The following OR2L13 variants were observed in gnomAD, a reference collection of about 807,000 sequenced individuals.
OR2L13 encodes olfactory receptor family 2 subfamily L member 13, also known as olfactory receptor 2L13.
In OR2L13, 14 loss-of-function variants were observed where a neutral mutation model predicts 15.3. That is an observed-to-expected ratio of 0.91 (90% CI 0.60 to 1.43). OR2L13 has a LOEUF of 1.43. Among genes scored for constraint, OR2L13 ranks in the 40% most tolerant of loss-of-function variants. The probability of loss-of-function intolerance (pLI) is 0.00; values close to 1 mark genes in which losing one functional copy is unlikely to be tolerated. For missense variants in OR2L13, 367 were observed against 387.9 expected, an observed-to-expected ratio of 0.95 and a Z score of 0.45; for synonymous variants, 152 against 142.9, an observed-to-expected ratio of 1.06 and a Z score of -0.45.
At chr1:248,078,698 T>A in the OR2L13 span, among the ~76,000 whole-genome samples, 6,212 of 152,096 alleles carry the variant, frequency 0.041, 419 homozygotes, top group African/African-American at 0.14. Flanking sequence ...TCACTTGTAA[T>A]AGCAAAATCT....
the OR2L13 span, among the ~76,000 whole-genome samples, chr1:248,068,258 A>G: frequency 6.6e-6 from 1 of 152,100 alleles, no homozygotes; most frequent in African/African-American, 2.4e-5. Flanking sequence ...CAGTAGGGGC[A>G]GACTGACACC....
At chr1:247,960,758 C>T in the OR2L13 span, among the ~76,000 whole-genome samples, 12 of 152,052 alleles carry the variant, frequency 7.9e-5, no homozygotes, top group African/African-American at 2.2e-4. Context: ...GGATTAATCT[C>T]CTGGTGTGCC....
chr1:248,085,249 A>G, the OR2L13 span, among the ~76,000 whole-genome samples: 1 of 151,776 alleles, frequency 6.6e-6, no homozygotes, highest in Non-Finnish European at 1.5e-5. Context: ...GACTCATTTT[A>G]TTAATGCAGA....
chr1:247,993,807 G>GAGAGAGAGAGGA, the OR2L13 span, among the ~76,000 whole-genome samples: 1 of 129,020 alleles, frequency 7.8e-6, no homozygotes, highest in Non-Finnish European at 1.6e-5. Context: ...GAGAGAGAGA[G>GAGAGAGAGAGGA]AGAGAAAGAA....
At chr1:248,061,632 A>G in the OR2L13 span, 39 of 1,603,996 alleles carry the variant, frequency 2.4e-5, no homozygotes, top group Admixed American at 3.2e-4. Flanking sequence ...AACATTTTCT[A>G]CCTAAGGTCT....
the OR2L13 span, among the ~76,000 whole-genome samples, chr1:247,953,625 T>G: frequency 6.6e-6 from 1 of 152,158 alleles, no homozygotes; most frequent in Non-Finnish European, 1.5e-5. Flanking sequence ...TATTTATTAG[T>G]TTGAGCTGAA....
chr1:247,982,005 C>T, the OR2L13 span, among the ~76,000 whole-genome samples: 6 of 151,962 alleles, frequency 3.9e-5, no homozygotes, highest in Non-Finnish European at 7.4e-5. Flanking sequence ...TTAGTAGAGA[C>T]GGGGTTTCAC....
At chr1:248,045,537 G>A in the OR2L13 span, among the ~76,000 whole-genome samples, 2 of 152,084 alleles carry the variant, frequency 1.3e-5, no homozygotes, top group African/African-American at 2.4e-5. Flanking sequence ...CTCTTTCAGC[G>A]CAAATAGGTT....
At chr1:247,961,586 G>A in the OR2L13 span, among the ~76,000 whole-genome samples, 2 of 152,118 alleles carry the variant, frequency 1.3e-5, no homozygotes. Context: ...AATATACAAG[G>A]AAATATCTCC....
At chr1:247,943,747 G>A in the OR2L13 span, among the ~76,000 whole-genome samples, 8 of 152,164 alleles carry the variant, frequency 5.3e-5, no homozygotes, top group African/African-American at 1.7e-4. Context: ...TAAGTGAGAA[G>A]CATCTGTATC....
chr1:247,982,078 G>C, the OR2L13 span, among the ~76,000 whole-genome samples: 1 of 152,182 alleles, frequency 6.6e-6, no homozygotes, highest in Non-Finnish European at 1.5e-5. Context: ...GCCTCCCAAA[G>C]TGCTGGGATT....
At chr1:248,076,514 T>C in the OR2L13 span, among the ~76,000 whole-genome samples, 2 of 152,340 alleles carry the variant, frequency 1.3e-5, no homozygotes, top group South Asian at 4.1e-4. Context: ...TGTCCTCTTT[T>C]ATTTCATTGA....
At chr1:247,962,171 G>A in the OR2L13 span, among the ~76,000 whole-genome samples, 3 of 152,200 alleles carry the variant, frequency 2.0e-5, no homozygotes, top group Admixed American at 6.5e-5. Flanking sequence ...TTTACCAGAA[G>A]TAGTGGGTTA....
exon 3 of OR2L13, chr1:248,099,915 C>G: frequency 6.2e-7 from 1 of 1,614,168 alleles, no homozygotes; most frequent in Non-Finnish European, 8.5e-7. Context: ...TCTGCGATGT[C>G]CCAGCCATGT....
At chr1:247,995,106 C>CTTTTAT in the OR2L13 span, among the ~76,000 whole-genome samples, 3 of 152,256 alleles carry the variant, frequency 2.0e-5, no homozygotes, top group East Asian at 3.9e-4. Flanking sequence ...GACATTAGGT[C>CTTTTAT]CAATAGCTTT....
At chr1:248,072,318 A>G in the OR2L13 span, among the ~76,000 whole-genome samples, 6 of 152,340 alleles carry the variant, frequency 3.9e-5, no homozygotes, top group Admixed American at 1.3e-4. Context: ...CTCAGAAATA[A>G]CGCTGCATAT....
At chr1:248,085,339 C>T in the OR2L13 span, among the ~76,000 whole-genome samples, 1 of 150,554 alleles carries the variant, frequency 6.6e-6, no homozygotes, top group Non-Finnish European at 1.5e-5. Flanking sequence ...CACCATCGCC[C>T]TGGTATACTT....
the OR2L13 span, among the ~76,000 whole-genome samples, chr1:247,971,787 A>T: frequency 1.3e-5 from 2 of 152,054 alleles, no homozygotes; most frequent in South Asian, 4.1e-4. Context: ...CATCTACAGA[A>T]CTCTCCACCC....
the OR2L13 span, among the ~76,000 whole-genome samples, chr1:248,080,135 T>A: frequency 6.7e-6 from 1 of 150,034 alleles, no homozygotes; most frequent in Admixed American, 6.6e-5. Flanking sequence ...AGATACATAT[T>A]TTTTTTTACA....
Sources: allele counts gnomAD v4.1 joint callset (sites outside exome capture counted in the v4.1 genomes callset), GRCh38; gene constraint gnomAD v4.1.1; transcripts MANE v1.5; gene names NCBI Gene and HGNC (gene_info 2026-07-23, HGNC 2026-07-21).